The following RFWD3 variants were observed in gnomAD, a reference collection of about 807,000 sequenced individuals.
RFWD3 encodes ring finger and WD repeat domain 3, also known as E3 ubiquitin-protein ligase RFWD3.
Under a neutral mutation model 87.7 loss-of-function variants are expected in RFWD3, and 65 were observed. The ratio of observed to expected loss-of-function variants is 0.74; its 90% confidence interval spans 0.61 to 0.91. The LOEUF is 0.91. RFWD3 is among the 40% of genes least tolerant of loss of function. The probability of loss-of-function intolerance (pLI) is 0.00; values close to 1 mark genes in which losing one functional copy is unlikely to be tolerated. For synonymous variants in RFWD3, 433 were observed against 352.8 expected (o/e 1.23, Z -2.55); for missense variants, 1,078 against 938.5 (o/e 1.15, Z -1.94).
At chr16:74,665,201 C>T (rs756076219) in intron 1 of RFWD3, 4 of 152,198 alleles carry the variant, frequency 2.6e-5, no homozygotes, top group Non-Finnish European at 5.9e-5. Flanking sequence ...GATCCCTGGA[C>T]ACTGAAATGC....
intron 1 of RFWD3, chr16:74,664,305 T>C (rs1442618662): frequency 6.6e-6 from 1 of 152,170 alleles, no homozygotes; most frequent in African/African-American, 2.4e-5. Flanking sequence ...AAGAATTGTG[T>C]GTCAGAACAT....
intron 1 of RFWD3, chr16:74,664,884 G>A (rs1287556532): frequency 6.6e-6 from 1 of 152,244 alleles, no homozygotes; most frequent in African/African-American, 2.4e-5. Context: ...GTCGCACAAA[G>A]TTCTATGGAA....
chr16:74,657,744 G>A (rs1209955749), intron 2 of RFWD3, among the ~76,000 whole-genome samples: 5 of 152,134 alleles, frequency 3.3e-5, no homozygotes, highest in African/African-American at 9.7e-5. Flanking sequence ...AAAATGCTGC[G>A]ATTACAGGTG....
At position 74,649,167 on chromosome 16, in the gene RFWD3, T is replaced by A; in HGVS notation, c.757A>T (p.Thr253Ser). ...AGGGTCTTGCCTCCATCGATACATGTAACTTCTTGCTCTGCTGAGACACCT... is the reference window on the plus strand; with the variant it reads ...AGGGTCTTGCCTCCATCGATACATGAAACTTCTTGCTCTGCTGAGACACCT... ...LAGVSAEQEV[T>S]CIDGGKTLPK... The change falls in exon 4 of 13, where the codon ACA (threonine) becomes TCA (serine). Residue 253 changes from threonine (T) to serine (S), a missense_variant. Physicochemically the swap from Thr to Ser is moderately conservative, Grantham distance 58. Transcript: ENST00000361070. 6.4e-7 allele frequency: 1 copy of A among 1,570,848 alleles called. No individual in the cohort carries two copies. Among genetic ancestry groups the A allele is most frequent in the South Asian group, 1.2e-5 (1 of 83,640 alleles).
At chr16:74,658,422 T>C (rs1567586206) in intron 2 of RFWD3, among the ~76,000 whole-genome samples, 1 of 152,258 alleles carries the variant, frequency 6.6e-6, no homozygotes, top group Non-Finnish European at 1.5e-5. Context: ...TTTGGCTTCT[T>C]GGCTGACTGT....
intron 4 of RFWD3, among the ~76,000 whole-genome samples, chr16:74,646,013 GCAGGGATTA>G (rs1448513960): frequency 1.3e-5 from 2 of 152,162 alleles, no homozygotes; most frequent in African/African-American, 2.4e-5. Context: ...CTCCCAAAGT[GCAGGGATTA>G]CAGACGTGAG....
In RFWD3 at chr16:74,622,865, C is replaced by T. The variant is rs775417423; in HGVS notation, c.*1063G>A. Reference sequence around the variant, plus strand: ...CAGCTTCACATGGGGAAGGCTTTAACTGGATAACTGGAATGTATAAAGAAC... The same window carrying T: ...CAGCTTCACATGGGGAAGGCTTTAATTGGATAACTGGAATGTATAAAGAAC... On this transcript the variant is annotated 3_prime_UTR_variant, in exon 13 of 13. Transcript: ENST00000361070. 4 of 152,192 alleles carry T rather than the reference C, an allele frequency of 2.6e-5. No individual in the cohort carries two copies. The highest frequency in any genetic ancestry group is 9.7e-5 in the African/African-American group (4 of 41,430). The allele number at this position is 152,192 out of a possible 1,614,324, so 9.4% of individuals were successfully genotyped here.
At chr16:74,658,319 A>G (rs1961159803) in intron 2 of RFWD3, among the ~76,000 whole-genome samples, 1 of 152,252 alleles carries the variant, frequency 6.6e-6, no homozygotes, top group South Asian at 2.1e-4. Flanking sequence ...CCCCACTGCC[A>G]GAATGAAACC....
chr16:74,637,992 C>G (rs369932039), intron 6 of RFWD3, 22 bp from the exon 7 acceptor site: 4 of 1,553,422 alleles, frequency 2.6e-6, no homozygotes, highest in Admixed American at 1.7e-5. Flanking sequence ...AAGCCAGCAA[C>G]AAGTGGGGAT....
intron 2 of RFWD3, among the ~76,000 whole-genome samples, chr16:74,659,785 G>C (rs1234338593): frequency 6.6e-6 from 1 of 152,134 alleles, no homozygotes; most frequent in Non-Finnish European, 1.5e-5. Context: ...TCCAATTCCA[G>C]CCTTATCACA....
chr16:74,638,887 A>G (rs749199989), intron 6 of RFWD3, among the ~76,000 whole-genome samples: 24 of 152,362 alleles, frequency 1.6e-4, no homozygotes, highest in Non-Finnish European at 2.9e-4. Context: ...AAACCTACAC[A>G]GTATAGCCTA....
intron 7 of RFWD3, among the ~76,000 whole-genome samples, 161 bp downstream of exon 7, chr16:74,637,695 T>G (rs142849013): frequency 6.6e-6 from 1 of 152,206 alleles, no homozygotes. Context: ...TAGTAAGTTT[T>G]GAACAGATGC....
In RFWD3 at chr16:74,628,549, A is replaced by G; in HGVS notation, c.1872T>C (p.Phe624=). The change falls in exon 11 of 13, where the codon TTT becomes TTC. Residue 624 remains phenylalanine (F), a synonymous_variant. Coordinates refer to ENST00000361070, the MANE Select transcript of RFWD3 (RefSeq NM_018124.4). The part of the protein sequence containing the change: ...DASFWEQKMD[F]SHWPHVLPLE... The stretch of plus-strand genomic sequence containing the variant: ...AGGGCAGCACATGAGGCCAATGAGA[A>G]AAGTCCATTTTCTGTTCCCAGAATG... 6.2e-7 allele frequency: 1 copy of G among 1,614,204 alleles called. No individual in the cohort carries two copies. The highest frequency in any genetic ancestry group is 8.5e-7 in the Non-Finnish European group (1 of 1,180,038).
chr16:74,648,818 G>A (rs1339978076), intron 4 of RFWD3, among the ~76,000 whole-genome samples: 1 of 152,010 alleles, frequency 6.6e-6, no homozygotes, highest in African/African-American at 2.4e-5. Flanking sequence ...GGGCATGGTG[G>A]CTCATGACTA....
rs776661298 is a variant in RFWD3 at position 74,644,404 on chromosome 16, G to A, written c.1037C>T (p.Thr346Ile). 2.5e-6 allele frequency: 4 copies of A among 1,614,144 alleles called. No homozygotes were observed. The highest frequency in any genetic ancestry group is 2.5e-6 in the Non-Finnish European group (3 of 1,180,040). The change falls in exon 6 of 13, where the codon ACC becomes ATC. Residue 346 changes from threonine to isoleucine, a missense_variant. Coordinates refer to ENST00000361070, the MANE Select transcript of RFWD3 (RefSeq NM_018124.4). ...TTCACTAGTGTCCAAAGCTCTCAGGGTTCGGGCATAAAGGACGACAATGTC... is the reference window on the plus strand; with the variant it reads ...TTCACTAGTGTCCAAAGCTCTCAGGATTCGGGCATAAAGGACGACAATGTC... ...HSDIVVLYAR[T>I]LRALDTSEQE...
intron 6 of RFWD3, among the ~76,000 whole-genome samples, chr16:74,638,949 A>C (rs756869700): frequency 6.6e-6 from 1 of 151,902 alleles, no homozygotes; most frequent in Non-Finnish European, 1.5e-5. Flanking sequence ...CTTGTATAGT[A>C]TGTTACCATA....
chr16:74,660,829 C>A (rs1961367230), intron 2 of RFWD3, 103 bp downstream of exon 2: 3 of 1,352,832 alleles, frequency 2.2e-6, no homozygotes, highest in Non-Finnish European at 3.0e-6. Flanking sequence ...CAGAAGTTAC[C>A]TGACTTGCCA....
At chr16:74,650,913 C>G (rs1051413637) in intron 3 of RFWD3, among the ~76,000 whole-genome samples, 2 of 151,772 alleles carry the variant, frequency 1.3e-5, no homozygotes, top group Admixed American at 6.6e-5. Context: ...ACAAAAAAAC[C>G]CACTTCATCA....
chr16:74,642,956 T>C (rs200183900), intron 6 of RFWD3, among the ~76,000 whole-genome samples: 2 of 152,240 alleles, frequency 1.3e-5, no homozygotes, highest in East Asian at 3.8e-4. Context: ...AATCAGTGAA[T>C]TGTTTTTAAA....
Sources: allele counts gnomAD v4.1 joint callset (sites outside exome capture counted in the v4.1 genomes callset), GRCh38; gene constraint gnomAD v4.1.1; transcripts MANE v1.5; gene names NCBI Gene and HGNC (gene_info 2026-07-23, HGNC 2026-07-21).